TRDN: variants seen among roughly 807,000 people sequenced by gnomAD.
The protein encoded by TRDN is triadin.
A neutral mutation model predicts 149.7 loss-of-function variants in TRDN; 161 were observed. That is an observed-to-expected ratio of 1.08 (90% CI 0.95 to 1.23). The LOEUF (loss-of-function observed/expected upper bound fraction) is 1.23, where lower values mean the gene tolerates loss of function less well. Ranked by LOEUF, TRDN falls within the 50% of genes most tolerant of loss-of-function variation. TRDN has a pLI of 0.00. For synonymous variants in TRDN, 294 were observed against 250.5 expected, an observed-to-expected ratio of 1.17 and a Z score of -1.64; for missense variants, 896 against 823.5, an observed-to-expected ratio of 1.09 and a Z score of -1.08.
At chr6:123,354,210 GT>G (rs1780574083) in intron 20 of TRDN, among the ~76,000 whole-genome samples, 1 of 151,802 alleles carries the variant, frequency 6.6e-6, no homozygotes, top group Admixed American at 6.6e-5. Context: ...AGCAATGAAT[GT>G]TTTAGAGTGC....
intron 1 of TRDN, among the ~76,000 whole-genome samples, chr6:123,619,739 C>T (rs1785283202): frequency 6.6e-6 from 1 of 151,914 alleles, no homozygotes; most frequent in South Asian, 2.1e-4. Context: ...TATGAAATAA[C>T]AGGAGTTTAA....
chr6:123,336,652 C>A (rs1446763084), intron 22 of TRDN, among the ~76,000 whole-genome samples: 1 of 151,588 alleles, frequency 6.6e-6, no homozygotes, highest in Admixed American at 6.6e-5. Flanking sequence ...GCTTTTTTTG[C>A]ATCCTTTGTG....
intron 20 of TRDN, among the ~76,000 whole-genome samples, chr6:123,353,759 A>T (rs1243112879): frequency 6.6e-6 from 1 of 151,754 alleles, no homozygotes; most frequent in African/African-American, 2.4e-5. Flanking sequence ...TTAGAAAAAA[A>T]TTCCCTATAT....
chr6:123,389,848 A>G (rs1782040586), intron 13 of TRDN, among the ~76,000 whole-genome samples: 1 of 152,144 alleles, frequency 6.6e-6, no homozygotes, highest in African/African-American at 2.4e-5. Context: ...TATAATAAGG[A>G]TAAAAACAAA....
chr6:123,263,047 A>G (rs1417629487), intron 33 of TRDN, among the ~76,000 whole-genome samples: 1 of 152,110 alleles, frequency 6.6e-6, no homozygotes, highest in Admixed American at 6.6e-5. Context: ...AAGTTTAGTG[A>G]GAAAGGCATG....
chr6:123,467,352 T>C (rs1300973013), intron 9 of TRDN, among the ~76,000 whole-genome samples: 2 of 151,170 alleles, frequency 1.3e-5, no homozygotes, highest in Non-Finnish European at 2.9e-5. Context: ...CCAATATATA[T>C]ATATTTATTA....
intron 2 of TRDN, among the ~76,000 whole-genome samples, chr6:123,559,716 C>T (rs1438631541): frequency 7.2e-5 from 11 of 152,188 alleles, no homozygotes; most frequent in African/African-American, 2.2e-4. Context: ...ACAATTCCCC[C>T]GTTTTACCTG....
chr6:123,468,666 A>G (rs1776977746), intron 9 of TRDN: 1 of 152,214 alleles, frequency 6.6e-6, no homozygotes. Context: ...GCAATTCACT[A>G]CACTGAAGTT....
chr6:123,490,477 C>A (rs2114794884), intron 9 of TRDN, among the ~76,000 whole-genome samples: 1 of 152,236 alleles, frequency 6.6e-6, no homozygotes, highest in Admixed American at 6.5e-5. Context: ...AGGAATTTTC[C>A]ATTTGATATT....
intron 1 of TRDN, among the ~76,000 whole-genome samples, chr6:123,574,518 A>G (rs961996879): frequency 1.1e-4 from 16 of 151,966 alleles, no homozygotes; most frequent in Admixed American, 4.6e-4. Context: ...CTACAAGTGA[A>G]TCAAACCTTT....
At chr6:123,275,443 T>C (rs146964594) in intron 26 of TRDN, among the ~76,000 whole-genome samples, 16 of 152,156 alleles carry the variant, frequency 1.1e-4, no homozygotes, top group African/African-American at 3.1e-4. Context: ...AAACAAATAT[T>C]CTCCTCTACG....
chr6:123,390,742 T>C (rs1290540041), intron 13 of TRDN, among the ~76,000 whole-genome samples: 2 of 152,146 alleles, frequency 1.3e-5, no homozygotes, highest in African/African-American at 2.4e-5. Flanking sequence ...TCTACTTAAC[T>C]CTGTTATGGG....
intron 7 of TRDN, among the ~76,000 whole-genome samples, chr6:123,506,913 A>G (rs1249947942): frequency 6.6e-6 from 1 of 152,150 alleles, no homozygotes; most frequent in Non-Finnish European, 1.5e-5. Flanking sequence ...AGTTTGATCT[A>G]TCTGTCTTCC....
chr6:123,503,598 A>G (rs1342031289), intron 8 of TRDN, 121 bp downstream of exon 8: 3 of 1,495,382 alleles, frequency 2.0e-6, no homozygotes, highest in African/African-American at 2.8e-5. Context: ...ATTTACTTTA[A>G]TGTCTTTTAC....
chr6:123,535,852 T>C (rs1162852891), intron 4 of TRDN, among the ~76,000 whole-genome samples: 1 of 152,166 alleles, frequency 6.6e-6, no homozygotes, highest in African/African-American at 2.4e-5. Context: ...AGTATACTAA[T>C]ATAATTAAAA....
At chr6:123,235,703 TCTC>T (rs1164968642) in intron 38 of TRDN, among the ~76,000 whole-genome samples, 1 of 152,008 alleles carries the variant, frequency 6.6e-6, no homozygotes. Flanking sequence ...ATACCTTTGT[TCTC>T]CTCCTTTATA....
At chr6:123,605,459 A>C (rs1478048175) in intron 1 of TRDN, among the ~76,000 whole-genome samples, 1 of 151,898 alleles carries the variant, frequency 6.6e-6, no homozygotes, top group African/African-American at 2.4e-5. Context: ...CATATGATTC[A>C]AGACGGTTTA....
chr6:123,495,414 G>A (rs1163010847), intron 9 of TRDN, among the ~76,000 whole-genome samples: 2 of 151,958 alleles, frequency 1.3e-5, no homozygotes, highest in Non-Finnish European at 2.9e-5. Flanking sequence ...AGCTACTCAG[G>A]AGGCTGAGGC....
chr6:123,433,270 T>C (rs369557608), intron 12 of TRDN, among the ~76,000 whole-genome samples: 92 of 151,070 alleles, frequency 6.1e-4, no homozygotes, highest in African/African-American at 2.2e-3. Flanking sequence ...AGAGGCCTGC[T>C]CTAATAATCT....
Sources: gnomAD v4.1 joint callset for allele counts (sites outside exome capture counted in the v4.1 genomes callset) on GRCh38, gnomAD v4.1.1 for gene constraint, MANE v1.5 for transcripts, NCBI Gene and HGNC (gene_info 2026-07-23, HGNC 2026-07-21) for gene names.